IL15: variants seen among roughly 807,000 people sequenced by gnomAD.
IL15 encodes interleukin 15, also known as interleukin-15.
A neutral mutation model predicts 19.6 loss-of-function variants in IL15; 11 were observed. The ratio of observed to expected loss-of-function variants is 0.56; its 90% CI spans 0.35 to 0.93. The LOEUF is 0.93. IL15 is among the 40% of genes least tolerant of loss of function. The probability of loss-of-function intolerance (pLI) is 0.01; values close to 1 mark genes in which losing one functional copy is unlikely to be tolerated. For synonymous variants in IL15, 58 were observed against 59.6 expected (o/e 0.97, Z 0.12); for missense variants, 197 against 186.5 (o/e 1.06, Z -0.33).
chr4:141,683,230 C>G (rs1268288616), intron 2 of IL15, among the ~76,000 whole-genome samples: 1 of 151,780 alleles, frequency 6.6e-6, no homozygotes, highest in Non-Finnish European at 1.5e-5. Flanking sequence ...GATCATGCCA[C>G]TGCACTCCAG....
intron 5 of IL15, among the ~76,000 whole-genome samples, chr4:141,725,227 A>T (rs1385504207): frequency 6.6e-6 from 1 of 151,992 alleles, no homozygotes; most frequent in Non-Finnish European, 1.5e-5. Context: ...AAAATGCAAC[A>T]CCTCTCATGG....
intron 1 of IL15, among the ~76,000 whole-genome samples, chr4:141,652,749 G>A (rs964664044): frequency 6.6e-6 from 1 of 152,136 alleles, no homozygotes; most frequent in African/African-American, 2.4e-5. Context: ...GGTCTAATGT[G>A]CATTTGTGCT....
At chr4:141,697,114 G>A (rs1729123103) in intron 2 of IL15, among the ~76,000 whole-genome samples, 3 of 151,926 alleles carry the variant, frequency 2.0e-5, no homozygotes. Context: ...TTTTCCCAAT[G>A]TTGTCTTCCA....
intron 1 of IL15, among the ~76,000 whole-genome samples, chr4:141,644,480 G>T (rs1727155265): frequency 6.6e-6 from 1 of 152,108 alleles, no homozygotes; most frequent in South Asian, 2.1e-4. Flanking sequence ...CTCATGGCTG[G>T]CCAAGCATCC....
chr4:141,726,548 GA>G (rs1326392250), intron 5 of IL15, among the ~76,000 whole-genome samples: 5 of 152,164 alleles, frequency 3.3e-5, no homozygotes, highest in African/African-American at 4.8e-5. Flanking sequence ...AGCATCCTAT[GA>G]AACAAAACAT....
intron 1 of IL15, among the ~76,000 whole-genome samples, chr4:141,648,304 G>A (rs903158960): frequency 2.0e-5 from 3 of 151,928 alleles, no homozygotes; most frequent in African/African-American, 4.8e-5. Flanking sequence ...AAACAAATAC[G>A]TTTGTTTAAT....
chr4:141,662,331 A>G (rs748370060), intron 2 of IL15, among the ~76,000 whole-genome samples: 1 of 152,234 alleles, frequency 6.6e-6, no homozygotes, highest in Non-Finnish European at 1.5e-5. Context: ...GAATTTGCCT[A>G]TAAGCCTTAA....
At chr4:141,731,983 G>A (rs1354227423) in intron 7 of IL15, among the ~76,000 whole-genome samples, 1 of 152,130 alleles carries the variant, frequency 6.6e-6, no homozygotes, top group Non-Finnish European at 1.5e-5. Flanking sequence ...TGATTACAGT[G>A]TGTCAGGCCC....
At position 141,729,988 on chromosome 4, in the gene IL15, A is replaced by G; in HGVS notation, c.378+4A>G. On this transcript the variant is annotated splice_donor_region_variant and intron_variant, in intron 7 of 7. Transcript: ENST00000320650. ...CAACAGTTTGTCTTCTAATGGGGTG[A>G]GTTTTCCAACAGTTGCTTAGAGTTG... The G allele has an allele frequency of 6.2e-7, 1 of 1,608,234 alleles. No homozygotes were observed. Among genetic ancestry groups the G allele is most frequent in the Non-Finnish European group, 8.5e-7 (1 of 1,175,038 alleles).
At chr4:141,706,614 A>T (rs764017917) in intron 2 of IL15, among the ~76,000 whole-genome samples, 56 of 152,174 alleles carry the variant, frequency 3.7e-4, no homozygotes, top group South Asian at 1.0e-3. Context: ...TTAAGTGGTG[A>T]TGAATCCCGT....
chr4:141,672,483 G>A (rs764843913), intron 2 of IL15, among the ~76,000 whole-genome samples: 17 of 152,186 alleles, frequency 1.1e-4, no homozygotes, highest in Admixed American at 1.1e-3. Flanking sequence ...TTCAAACACC[G>A]CACCGCAAAG....
intron 2 of IL15, among the ~76,000 whole-genome samples, chr4:141,679,838 A>G (rs1014845596): frequency 2.0e-5 from 3 of 152,242 alleles, no homozygotes; most frequent in Admixed American, 6.5e-5. Flanking sequence ...AAGCATCTAC[A>G]TATTTTAAAG....
intron 2 of IL15, among the ~76,000 whole-genome samples, chr4:141,708,798 C>G (rs1729609210): frequency 6.6e-6 from 1 of 152,140 alleles, no homozygotes; most frequent in South Asian, 2.1e-4. Context: ...GATGTTTATT[C>G]ACTGTTTTGA....
chr4:141,651,141 C>T (rs536920822), intron 1 of IL15, among the ~76,000 whole-genome samples: 7 of 151,654 alleles, frequency 4.6e-5, no homozygotes, highest in South Asian at 2.1e-4. Context: ...CCACAGTGTG[C>T]GTGTGTGTAT....
chr4:141,733,902 C>G lies in IL15; in HGVS notation c.*1054C>G, dbSNP rs1263260342. On this transcript the variant is annotated 3_prime_UTR_variant, in exon 8 of 8. Transcript: ENST00000320650. ...AATTGTTTATATTTTTTGCACTACA[C>G]TGTCTAAAATTAGCAAGCTCTCTTC... 6.6e-6 allele frequency: 1 copy of G among 152,162 alleles called. No individual in the cohort carries two copies. The highest frequency in any genetic ancestry group is 1.9e-4 in the East Asian group (1 of 5,194). The allele number at this position is 152,162 out of a possible 1,614,324, so 9.4% of individuals were successfully genotyped here. A position where few individuals can be genotyped will look rare whatever the true frequency, so the allele number is the denominator to read the frequency against.
chr4:141,663,042 T>C (rs1727844447), intron 2 of IL15, among the ~76,000 whole-genome samples: 1 of 152,076 alleles, frequency 6.6e-6, no homozygotes, highest in Non-Finnish European at 1.5e-5. Context: ...ATTAAAAAAG[T>C]AACTCATTAA....
chr4:141,644,151 A>G (rs1197755268), intron 1 of IL15, among the ~76,000 whole-genome samples: 2 of 151,594 alleles, frequency 1.3e-5, no homozygotes, highest in Non-Finnish European at 2.9e-5. Context: ...TCAAGTTGCT[A>G]TCATGTCTCA....
chr4:141,650,142 C>T (rs751208597), intron 1 of IL15, among the ~76,000 whole-genome samples: 6 of 152,050 alleles, frequency 3.9e-5, no homozygotes, highest in Non-Finnish European at 5.9e-5. Context: ...CTTCCTACTC[C>T]TCCAAGGTAG....
At chr4:141,708,158 G>T (rs571369106) in intron 2 of IL15, among the ~76,000 whole-genome samples, 1 of 152,292 alleles carries the variant, frequency 6.6e-6, no homozygotes, top group Non-Finnish European at 1.5e-5. Context: ...GGTATGTGTT[G>T]GTAACATGGC....
Sources: allele counts gnomAD v4.1 joint callset (sites outside exome capture counted in the v4.1 genomes callset), GRCh38; gene constraint gnomAD v4.1.1; transcripts MANE v1.5; gene names NCBI Gene and HGNC (gene_info 2026-07-23, HGNC 2026-07-21).